MARCHF3: variants seen among roughly 807,000 people sequenced by gnomAD.
The protein encoded by MARCHF3 is E3 ubiquitin-protein ligase MARCHF3.
A neutral mutation model predicts 24.2 loss-of-function variants in MARCHF3; 13 were observed. The ratio of observed to expected loss-of-function variants is 0.54; its 90% CI spans 0.35 to 0.85. The LOEUF (loss-of-function observed/expected upper bound fraction) is 0.85, where lower values mean the gene tolerates loss of function less well. MARCHF3 is among the 40% of genes least tolerant of loss of function. The pLI, the probability that MARCHF3 is intolerant of heterozygous loss-of-function variation, is 0.01. For synonymous variants in MARCHF3, 144 were observed against 137.3 expected (o/e 1.05, Z -0.34); for missense variants, 276 against 325.0 (o/e 0.85, Z 1.16).
intron 1 of MARCHF3, among the ~76,000 whole-genome samples, chr5:126,924,409 GA>G (rs35340588): frequency 2.6e-5 from 4 of 151,960 alleles, no homozygotes; most frequent in South Asian, 2.1e-4. Context: ...ACTGAAACGG[GA>G]AAAAAAATGG....
intron 2 of MARCHF3, 84 bp from the exon 3 acceptor site, chr5:126,915,218 GCCCTC>G: frequency 2.2e-6 from 3 of 1,380,758 alleles, no homozygotes; most frequent in South Asian, 1.3e-5. Context: ...TGTCCTTTGG[GCCCTC>G]CCCAGAGGCA....
chr5:126,937,890 C>T (rs1267814124), intron 1 of MARCHF3, among the ~76,000 whole-genome samples: 1 of 152,162 alleles, frequency 6.6e-6, no homozygotes, highest in Non-Finnish European at 1.5e-5. Context: ...CACAAAAAAA[C>T]TCCTGAGTTT....
At chr5:126,878,964 C>T (rs1270691493) in intron 3 of MARCHF3, among the ~76,000 whole-genome samples, 1 of 152,136 alleles carries the variant, frequency 6.6e-6, no homozygotes, top group Non-Finnish European at 1.5e-5. Flanking sequence ...ACACTTTATG[C>T]CAACAATGTG....
intron 1 of MARCHF3, among the ~76,000 whole-genome samples, chr5:126,919,497 A>G (rs1211770293): frequency 3.3e-5 from 5 of 152,168 alleles, no homozygotes; most frequent in African/African-American, 1.2e-4. Flanking sequence ...CAAAACCCCA[A>G]GAGGATTCCT....
chr5:126,912,977 A>G (rs979585951), intron 3 of MARCHF3, among the ~76,000 whole-genome samples: 3 of 152,206 alleles, frequency 2.0e-5, no homozygotes, highest in African/African-American at 7.2e-5. Flanking sequence ...CACCTCACAC[A>G]TTCTCAAGGT....
intron 4 of MARCHF3, among the ~76,000 whole-genome samples, chr5:126,873,409 G>GAAAAAA (rs77244995): frequency 9.6e-6 from 1 of 104,340 alleles, no homozygotes; most frequent in Non-Finnish European, 2.1e-5. Flanking sequence ...AACAGAAAAA[G>GAAAAAA]AAAAAAAAAA....
chr5:126,902,567 C>T (rs1158468252), intron 3 of MARCHF3, among the ~76,000 whole-genome samples: 2 of 152,092 alleles, frequency 1.3e-5, no homozygotes, highest in Non-Finnish European at 2.9e-5. Context: ...TAATCCTTTA[C>T]CAGCAGTGGA....
intron 3 of MARCHF3, among the ~76,000 whole-genome samples, chr5:126,896,722 C>T (rs184952871): frequency 1.3e-5 from 2 of 152,140 alleles, no homozygotes; most frequent in East Asian, 3.9e-4. Context: ...AGTGTTGAGA[C>T]CTTCTCTCAC....
chr5:126,914,834 T>C lies in MARCHF3; in HGVS notation c.393+96A>G, dbSNP rs891951660. On this transcript the variant is annotated intron_variant, in intron 3 of 4. Transcript: ENST00000308660. ...CACAGTCACATAGCTATTACCGTGC[T>C]TCAGTAAAGCTGTACAGGGCTTGTG... is the stretch of plus-strand genomic sequence containing the variant. 6.5e-6 allele frequency: 7 copies of C among 1,079,466 alleles called. No homozygotes were observed. In the African/African-American group the frequency reaches 1.1e-4, roughly 17 times the overall value. 66.9% of individuals were successfully genotyped at this position (1,079,466 alleles called of 1,614,324 possible). A position where few individuals can be genotyped will look rare whatever the true frequency, so the allele number is the denominator to read the frequency against.
intron 1 of MARCHF3, among the ~76,000 whole-genome samples, chr5:126,980,949 C>G (rs1470760034): frequency 6.6e-6 from 1 of 152,150 alleles, no homozygotes; most frequent in East Asian, 1.9e-4. Context: ...CCATCCATGG[C>G]CCCAGACTGA....
chr5:126,970,412 T>G (rs1034514670), intron 1 of MARCHF3, among the ~76,000 whole-genome samples: 4 of 152,268 alleles, frequency 2.6e-5, no homozygotes, highest in African/African-American at 9.6e-5. Context: ...TTCTAAAAAT[T>G]TGTCCACTTA....
At chr5:127,018,833 A>C (rs1274630355) in intron 1 of MARCHF3, among the ~76,000 whole-genome samples, 1 of 152,216 alleles carries the variant, frequency 6.6e-6, no homozygotes, top group Non-Finnish European at 1.5e-5. Context: ...TAGCTTAGCC[A>C]CTTTGTAGCT....
At chr5:126,891,149 T>G (rs1477864740) in intron 3 of MARCHF3, among the ~76,000 whole-genome samples, 1 of 149,772 alleles carries the variant, frequency 6.7e-6, no homozygotes, top group Non-Finnish European at 1.5e-5. Context: ...GTTTTTTTCT[T>G]GTAAATTTGT....
chr5:127,024,632 T>C (rs998347886), intron 1 of MARCHF3, among the ~76,000 whole-genome samples: 2 of 152,238 alleles, frequency 1.3e-5, no homozygotes, highest in Non-Finnish European at 2.9e-5. Flanking sequence ...AAAGATTACC[T>C]GAAATATCAC....
At chr5:126,947,248 A>G (rs889717048) in intron 1 of MARCHF3, among the ~76,000 whole-genome samples, 1 of 152,188 alleles carries the variant, frequency 6.6e-6, no homozygotes. Context: ...ATCTTCACCA[A>G]TGATGTTTTT....
intron 1 of MARCHF3, among the ~76,000 whole-genome samples, chr5:127,021,015 A>G (rs1752788576): frequency 6.6e-6 from 1 of 152,044 alleles, no homozygotes; most frequent in Non-Finnish European, 1.5e-5. Context: ...TTGATCTTGA[A>G]CTTCCCAGCA....
At position 126,963,922 on chromosome 5, in the gene MARCHF3, G is replaced by A. The variant is rs913828368; in HGVS notation, c.-56-45695C>T. ...TAAGGGGAAGCATCAGGGGCTGAGA[G>A]AGTCATAAACGCTCCTACCATGGGC... On this transcript the variant is annotated intron_variant, in intron 1 of 4. Transcript: ENST00000308660. Among the ~76,000 whole-genome samples, 3 of 152,310 alleles carry A rather than the reference G, an allele frequency of 2.0e-5. No homozygotes were observed. The East Asian group carries it at 5.8e-4, about 29-fold the overall frequency.
At chr5:126,893,268 G>GT (rs1198447241) in intron 3 of MARCHF3, among the ~76,000 whole-genome samples, 1 of 151,556 alleles carries the variant, frequency 6.6e-6, no homozygotes, top group African/African-American at 2.4e-5. Flanking sequence ...TTTTTGAAGG[G>GT]TTTTTTGTGT....
intron 1 of MARCHF3, among the ~76,000 whole-genome samples, chr5:126,983,710 G>A (rs553798135): frequency 2.0e-5 from 3 of 151,768 alleles, no homozygotes; most frequent in Admixed American, 1.3e-4. Flanking sequence ...TTTCCAACTT[G>A]TCCCTTCCCT....
Sources: allele counts gnomAD v4.1 joint callset (sites outside exome capture counted in the v4.1 genomes callset), GRCh38; gene constraint gnomAD v4.1.1; transcripts MANE v1.5; gene names NCBI Gene and HGNC (gene_info 2026-07-23, HGNC 2026-07-21).